The following TMPO variants were observed in gnomAD, a reference collection of about 807,000 sequenced individuals.
TMPO encodes the protein LEM domain containing 4.
TMPO carries 22 observed loss-of-function variants against 45.4 expected under a neutral mutation model. That is an observed-to-expected ratio of 0.48 (90% CI 0.35 to 0.69). The LOEUF (loss-of-function observed/expected upper bound fraction) is 0.69, where lower values mean the gene tolerates loss of function less well. Among genes scored for constraint, TMPO ranks in the 30% least tolerant of loss-of-function variants. The pLI is 0.01. For synonymous variants in TMPO, 241 were observed against 204.1 expected (o/e 1.18, Z -1.54); for missense variants, 512 against 548.8 (o/e 0.93, Z 0.67).
chr12:98,546,593 G>T, intron 8 of TMPO, 146 bp downstream of exon 8: 1 of 681,756 alleles, frequency 1.5e-6, no homozygotes, highest in Non-Finnish European at 2.6e-6. Context: ...TGTAGTCCCA[G>T]CTACTCAAGA....
chr12:98,532,017 C>A, intron 3 of TMPO, 179 bp downstream of exon 3: 2 of 581,462 alleles, frequency 3.4e-6, no homozygotes, highest in Non-Finnish European at 6.0e-6. Flanking sequence ...TAAGAAGCAA[C>A]ATAGTACAAA....
intron 3 of TMPO, chr12:98,534,220 C>T (rs1430481491): frequency 6.2e-7 from 1 of 1,613,816 alleles, no homozygotes; most frequent in Non-Finnish European, 8.5e-7. Flanking sequence ...ATACCTCTGG[C>T]TGAAGGATTG....
Position 98,515,798 on chromosome 12 carries a change from C to A in TMPO, c.-70C>A. On this transcript the variant is annotated 5_prime_UTR_variant, in exon 1 of 9. Transcript: ENST00000556029. ...CGGAGGCGGCAGCGCGGTCCCCGGC[C>A]AGGAGCAAGCGCGCCGGCGTGAGCG... 6.4e-7 allele frequency: 1 copy of A among 1,560,416 alleles called. No individual in the cohort carries two copies. Among genetic ancestry groups the A allele is most frequent in the Non-Finnish European group, 8.7e-7 (1 of 1,153,698 alleles).
chr12:98,533,320 A>G, intron 3 of TMPO: 1 of 1,614,176 alleles, frequency 6.2e-7, no homozygotes, highest in Non-Finnish European at 8.5e-7. Context: ...GCCTCTCTCC[A>G]GTAAAAGGAA....
intron 2 of TMPO, among the ~76,000 whole-genome samples, 160 bp downstream of exon 2, chr12:98,528,172 T>C (rs1876922008): frequency 6.6e-6 from 1 of 152,070 alleles, no homozygotes; most frequent in South Asian, 2.1e-4. Flanking sequence ...ATGAGTGAAA[T>C]AAAATGAGAG....
At chr12:98,536,768 G>A (rs1031561724) in intron 3 of TMPO, among the ~76,000 whole-genome samples, 25 of 152,162 alleles carry the variant, frequency 1.6e-4, no homozygotes, top group African/African-American at 5.8e-4. Flanking sequence ...TGCGTTGTTA[G>A]GTTAATAACT....
At chr12:98,523,587 C>G (rs938035053) in intron 1 of TMPO, among the ~76,000 whole-genome samples, 4 of 151,632 alleles carry the variant, frequency 2.6e-5, no homozygotes, top group African/African-American at 9.7e-5. Context: ...TCTGACTTAC[C>G]TTATGTAGAT....
chr12:98,532,885 G>C lies in TMPO; in HGVS notation c.565+1047G>C, dbSNP rs1445607061. ...GGATATTGTTCCTTTTTCTGAACTT[G>C]GAACTACTCCCTCTGGTGGTGGATT... On this transcript the variant is annotated intron_variant, in intron 3 of 8. Transcript: ENST00000556029. 1 of 1,614,114 alleles carries C rather than the reference G, an allele frequency of 6.2e-7. No individual in the cohort carries two copies. The highest frequency in any genetic ancestry group is 1.7e-5 in the Admixed American group (1 of 60,012).
chr12:98,530,550 ATC>A (rs1470146671), intron 2 of TMPO, among the ~76,000 whole-genome samples: 1 of 152,198 alleles, frequency 6.6e-6, no homozygotes, highest in African/African-American at 2.4e-5. Context: ...GTAAAACAAA[ATC>A]TATTTTGGTT....
At chr12:98,517,953 A>G (rs911844405) in intron 1 of TMPO, among the ~76,000 whole-genome samples, 1 of 152,222 alleles carries the variant, frequency 6.6e-6, no homozygotes. Flanking sequence ...ACCTGAGGTC[A>G]GGAGTTCTAG....
intron 1 of TMPO, among the ~76,000 whole-genome samples, chr12:98,522,207 G>T (rs992361605): frequency 6.6e-6 from 1 of 152,092 alleles, no homozygotes; most frequent in African/African-American, 2.4e-5. Context: ...TATAGAGATA[G>T]TCTCACTATG....
intron 3 of TMPO, chr12:98,535,628 AAC>A (rs1445110882): frequency 2.0e-6 from 2 of 985,324 alleles, no homozygotes; most frequent in African/African-American, 3.5e-5. Context: ...GTTAAATTTG[AAC>A]AGTGTTGTGT....
At chr12:98,533,906 T>TA (rs770367156) in intron 3 of TMPO, 2 of 1,614,092 alleles carry the variant, frequency 1.2e-6, no homozygotes, top group Non-Finnish European at 1.7e-6. Flanking sequence ...GCCACTCCAC[T>TA]AGGAGGTATT....
chr12:98,537,718 A>C, intron 4 of TMPO, 146 bp downstream of exon 4: 1 of 769,050 alleles, frequency 1.3e-6, no homozygotes, highest in African/African-American at 1.7e-5. Flanking sequence ...TAAAAATCTA[A>C]ACTTTGTGGG....
At chr12:98,522,280 G>A (rs77639919) in intron 1 of TMPO, among the ~76,000 whole-genome samples, 8,363 of 152,196 alleles carry the variant, frequency 0.055, 503 homozygotes, top group African/African-American at 0.15. Flanking sequence ...CTCCCAAAGC[G>A]TTGGGATTGT....
intron 1 of TMPO, among the ~76,000 whole-genome samples, chr12:98,523,762 G>A (rs971240461): frequency 2.6e-5 from 4 of 151,926 alleles, no homozygotes; most frequent in African/African-American, 9.7e-5. Context: ...TGCAATCTCC[G>A]CCTCCCCAAT....
chr12:98,535,704 T>C (rs1877525033), intron 3 of TMPO: 2 of 968,060 alleles, frequency 2.1e-6, no homozygotes, highest in South Asian at 4.8e-5. Context: ...TAAATATTTG[T>C]ATATGAACAC....
intron 3 of TMPO, chr12:98,532,780 A>G (rs1555203729): frequency 3.7e-6 from 6 of 1,613,944 alleles, no homozygotes; most frequent in Middle Eastern, 1.7e-4. Context: ...ATCAGCTCAA[A>G]CACAGGTAAT....
At chr12:98,531,158 T>G (rs935571645) in intron 2 of TMPO, among the ~76,000 whole-genome samples, 2 of 151,856 alleles carry the variant, frequency 1.3e-5, no homozygotes, top group South Asian at 4.1e-4. Flanking sequence ...CAGGCTTGTC[T>G]TGAACTGCTG....
Sources: allele counts gnomAD v4.1 joint callset (sites outside exome capture counted in the v4.1 genomes callset), GRCh38; gene constraint gnomAD v4.1.1; transcripts MANE v1.5; gene names NCBI Gene and HGNC (gene_info 2026-07-23, HGNC 2026-07-21).